Variants in EML5 observed in about 807,000 individuals in gnomAD.
EML5 encodes the protein EMAP like 5, also known as echinoderm microtubule-associated protein-like 5.
A neutral mutation model predicts 250.0 loss-of-function variants in EML5; 120 were observed. The observed-to-expected ratio is 0.48, with a 90% CI of 0.41 to 0.56. EML5 has a LOEUF of 0.56. Among genes scored for constraint, EML5 ranks in the 20% least tolerant of loss-of-function variants. EML5 has a pLI of 0.00. For synonymous variants in EML5, 771 were observed against 806.5 expected (o/e 0.96, Z 0.75); for missense variants, 2,006 against 2,437.6 (o/e 0.82, Z 3.73).
intron 21 of EML5, among the ~76,000 whole-genome samples, chr14:88,679,522 T>C (rs1331372089): frequency 6.6e-6 from 1 of 151,764 alleles, no homozygotes; most frequent in Non-Finnish European, 1.5e-5. Context: ...TGAAACTCCA[T>C]CTCTACTAAA....
chr14:88,675,298 G>A (rs1476797307), intron 21 of EML5, among the ~76,000 whole-genome samples: 2 of 152,338 alleles, frequency 1.3e-5, no homozygotes, highest in East Asian at 3.9e-4. Context: ...TGGGCATCCA[G>A]GCATTTCCAT....
chr14:88,688,678 C>A (rs1003544998), intron 17 of EML5, among the ~76,000 whole-genome samples: 1 of 152,168 alleles, frequency 6.6e-6, no homozygotes, highest in African/African-American at 2.4e-5. Context: ...TTTAGATAAA[C>A]AAAGACCTGG....
intron 1 of EML5, among the ~76,000 whole-genome samples, chr14:88,756,357 A>C (rs144522333): frequency 1.4e-3 from 207 of 152,328 alleles, no homozygotes; most frequent in Non-Finnish European, 2.5e-3. Context: ...AACTTCCTCA[A>C]ACTGACAAAG....
chr14:88,650,045 C>T (rs2091546298), intron 27 of EML5, 119 bp from the exon 28 acceptor site: 2 of 607,784 alleles, frequency 3.3e-6, no homozygotes. Flanking sequence ...TAAGGAAATA[C>T]AAAAATGTCT....
At chr14:88,657,227 G>C in intron 27 of EML5, 149 bp downstream of exon 27, 1 of 718,128 alleles carries the variant, frequency 1.4e-6, no homozygotes, top group East Asian at 2.9e-5. Context: ...GGTATTTAAA[G>C]ACAGACATAC....
chr14:88,615,741 A>C lies in EML5; in HGVS notation c.*77T>G. 7.1e-7 allele frequency: 1 copy of C among 1,416,892 alleles called. No homozygotes were observed. The highest frequency in any genetic ancestry group is 9.7e-7 in the Non-Finnish European group (1 of 1,025,880). 87.8% of individuals were successfully genotyped at this position (1,416,892 alleles called of 1,614,324 possible). On this transcript the variant is annotated 3_prime_UTR_variant, in exon 44 of 44. Transcript: ENST00000554922. ...AGTCTTGGGTTAGCACCACTTGACC[A>C]TGCAGGGTTGGGTTTTGGTTTTTCT...
Position 88,740,556 on chromosome 14 carries a change from C to A in EML5, c.542G>T (p.Gly181Val). 6.2e-7 allele frequency: 1 copy of A among 1,608,314 alleles called. No individual in the cohort carries two copies. The highest frequency in any genetic ancestry group is 8.5e-7 in the Non-Finnish European group (1 of 1,177,888). Residue 181 changes from glycine to valine, a missense_variant, in exon 5 of 44, where the codon GGA (glycine) becomes GTA (valine). This residue lies in a region of EML5 where 1,375 missense variants were observed against 1,590.3 expected (regional missense o/e 0.86). Coordinates refer to ENST00000554922, the MANE Select transcript of EML5 (RefSeq NM_183387.3). ...VKHIKFWSLC[G>V]NALTPKRGVF... Reference sequence around the variant, plus strand: ...ACCTCGTTTTGGGGTCAGAGCATTTCCACATAAACTCCAGAACTAAAAGGT... The same window carrying A: ...ACCTCGTTTTGGGGTCAGAGCATTTACACATAAACTCCAGAACTAAAAGGT...
intron 18 of EML5, 24 bp downstream of exon 18, chr14:88,688,247 T>G: frequency 6.2e-7 from 1 of 1,613,160 alleles, no homozygotes; most frequent in South Asian, 1.1e-5. Flanking sequence ...TTTGTTTAAT[T>G]TAAAATCTCT....
chr14:88,678,065 G>C (rs2092636091), intron 21 of EML5, among the ~76,000 whole-genome samples: 1 of 152,110 alleles, frequency 6.6e-6, no homozygotes, highest in African/African-American at 2.4e-5. Flanking sequence ...TATTAGACTG[G>C]ATAAAGAAAA....
intron 1 of EML5, among the ~76,000 whole-genome samples, chr14:88,760,343 G>GTTGTTTGT (rs61035833): frequency 7.9e-5 from 12 of 151,206 alleles, no homozygotes; most frequent in Middle Eastern, 3.2e-3. Context: ...GTAGGTTATA[G>GTTGTTTGT]TTGTTTGTTT....
At chr14:88,735,623 A>G (rs924459064) in intron 7 of EML5, among the ~76,000 whole-genome samples, 1 of 152,178 alleles carries the variant, frequency 6.6e-6, no homozygotes, top group Non-Finnish European at 1.5e-5. Flanking sequence ...GTAAGGCCTT[A>G]TCTATCAAAA....
chr14:88,729,976 C>T (rs75715026), intron 7 of EML5, among the ~76,000 whole-genome samples: 2,936 of 152,004 alleles, frequency 0.019, 36 homozygotes, highest in Middle Eastern at 0.054. Flanking sequence ...GATACACTCT[C>T]ATCACTTTGG....
intron 29 of EML5, among the ~76,000 whole-genome samples, chr14:88,645,719 G>A (rs2091314772): frequency 6.6e-6 from 1 of 152,148 alleles, no homozygotes; most frequent in Admixed American, 6.6e-5. Flanking sequence ...ACAAAGCACT[G>A]TAAACCATAC....
intron 13 of EML5, among the ~76,000 whole-genome samples, chr14:88,703,363 T>C (rs771583214): frequency 5.3e-5 from 8 of 152,136 alleles, no homozygotes; most frequent in Non-Finnish European, 1.0e-4. Flanking sequence ...GAGAAAGATT[T>C]TCAAACTGTA....
chr14:88,647,089 CTGT>C, intron 28 of EML5, 134 bp from the exon 29 acceptor site: 1 of 776,762 alleles, frequency 1.3e-6, no homozygotes, highest in Non-Finnish European at 1.9e-6. Context: ...TATTAAAGGC[CTGT>C]TGTTTTTAGT....
At chr14:88,659,204 T>C (rs1009731631) in intron 25 of EML5, among the ~76,000 whole-genome samples, 3 of 152,138 alleles carry the variant, frequency 2.0e-5, no homozygotes, top group African/African-American at 4.8e-5. Flanking sequence ...AACACAGTGA[T>C]AGCAAAATTT....
chr14:88,641,718 C>G (rs2091076661), intron 31 of EML5, among the ~76,000 whole-genome samples: 1 of 152,094 alleles, frequency 6.6e-6, no homozygotes, highest in South Asian at 2.1e-4. Flanking sequence ...CTACACTATG[C>G]ACAATGTATC....
chr14:88,627,184 C>G (rs1203730717), intron 34 of EML5, 138 bp from the exon 35 acceptor site: 1 of 734,492 alleles, frequency 1.4e-6, no homozygotes, highest in African/African-American at 1.8e-5. Context: ...TACTACCTAG[C>G]AATACATGAT....
At position 88,712,473 on chromosome 14, in the gene EML5, T is replaced by C; in HGVS notation, c.1455A>G (p.Glu485=). 6.2e-7 allele frequency: 1 copy of C among 1,609,622 alleles called. No individual in the cohort carries two copies. The highest frequency in any genetic ancestry group is 8.5e-7 in the Non-Finnish European group (1 of 1,176,840). The part of the protein sequence containing the change: ...RLFYRMPGGK[E]VTSTEEIKGV... Reference sequence around the variant, plus strand: ...CTTTTATTTCTTCTGTACTTGTCACTTCCTTTCCTCCTAAAAATAAATCAG... The same window carrying C: ...CTTTTATTTCTTCTGTACTTGTCACCTCCTTTCCTCCTAAAAATAAATCAG... The change falls in exon 10 of 44, where the codon GAA becomes GAG. Residue 485 remains glutamate, a synonymous_variant. Transcript: ENST00000554922.
Sources: gnomAD v4.1 joint callset for allele counts (sites outside exome capture counted in the v4.1 genomes callset) on GRCh38, gnomAD v4.1.1 for gene constraint, gnomAD v4.1.1 regional missense constraint, MANE v1.5 for transcripts, NCBI Gene and HGNC (gene_info 2026-07-23, HGNC 2026-07-21) for gene names.